TSPAN16: variants seen among roughly 807,000 people sequenced by gnomAD.
The protein encoded by TSPAN16 is tetraspanin 16.
A neutral mutation model predicts 25.2 loss-of-function variants in TSPAN16; 23 were observed. The observed-to-expected ratio is 0.91, with a 90% confidence interval of 0.66 to 1.29. TSPAN16 has a LOEUF of 1.29. Ranked by LOEUF, TSPAN16 falls within the 50% of genes most tolerant of loss-of-function variation. The pLI is 0.00. For synonymous variants in TSPAN16, 123 were observed against 124.4 expected (o/e 0.99, Z 0.08); for missense variants, 272 against 299.9 (o/e 0.91, Z 0.69).
chr19:11,305,537 AT>A (rs1248135549), intron 4 of TSPAN16, among the ~76,000 whole-genome samples: 2 of 149,576 alleles, frequency 1.3e-5, no homozygotes, highest in Non-Finnish European at 2.9e-5. Flanking sequence ...CTCAAAAAAA[AT>A]AATAAAAATA....
At chr19:11,325,923 T>A (rs1433566961) in intron 6 of TSPAN16, among the ~76,000 whole-genome samples, 12 of 151,598 alleles carry the variant, frequency 7.9e-5, no homozygotes, top group Non-Finnish European at 1.6e-4. Flanking sequence ...TAAATTTTTT[T>A]AAAAAGTAGA....
At chr19:11,322,491 C>G (rs1270438674) in intron 6 of TSPAN16, 1 of 152,110 alleles carries the variant, frequency 6.6e-6, no homozygotes, top group Non-Finnish European at 1.5e-5. Context: ...CCTGACCAAT[C>G]CCCTGGAGCT....
chr19:11,325,329 G>T, intron 6 of TSPAN16: 1 of 1,043,014 alleles, frequency 9.6e-7, no homozygotes, highest in Non-Finnish European at 1.4e-6. Context: ...GATAACCACT[G>T]TGGCTCACGC....
At chr19:11,297,294 A>T (rs1452626611) in intron 1 of TSPAN16, among the ~76,000 whole-genome samples, 2 of 152,116 alleles carry the variant, frequency 1.3e-5, no homozygotes, top group African/African-American at 2.4e-5. Context: ...ATCTCTATTT[A>T]AAAAATAATA....
chr19:11,315,726 C>G (rs1450331616), intron 6 of TSPAN16, 65 bp from the exon 7 acceptor site: 2 of 1,184,396 alleles, frequency 1.7e-6, no homozygotes, highest in African/African-American at 1.6e-5. Flanking sequence ...CCCCGTAACT[C>G]CAGTATGATT....
intron 5 of TSPAN16, among the ~76,000 whole-genome samples, chr19:11,308,353 C>T (rs2080652073): frequency 6.6e-6 from 1 of 152,162 alleles, no homozygotes; most frequent in Non-Finnish European, 1.5e-5. Flanking sequence ...GACTGGAGTG[C>T]AGTGGCGCAA....
At position 11,298,469 on chromosome 19, in the gene TSPAN16, C is replaced by G. The variant is rs190264176; in HGVS notation, c.267+130C>G. The G allele has an allele frequency of 8.6e-4, 737 of 854,374 alleles. 4 individuals carry two copies. In the African/African-American group the frequency reaches 0.011, roughly 13 times the overall value. 52.9% of individuals were successfully genotyped at this position (854,374 alleles called of 1,614,324 possible). On this transcript the variant is annotated intron_variant, in intron 2 of 6. Coordinates refer to ENST00000590327, the MANE Select transcript of TSPAN16 (RefSeq NM_001282509.2). Reference sequence around the variant, plus strand: ...TTTTTTGCGGGGACAGGGTTTCACTCTGTCGCCCAGGCTGGAGTGCAGTGG... The same window carrying G: ...TTTTTTGCGGGGACAGGGTTTCACTGTGTCGCCCAGGCTGGAGTGCAGTGG...
intron 6 of TSPAN16, 128 bp downstream of exon 6, chr19:11,312,350 AAAG>A (rs1209822160): frequency 1.4e-5 from 7 of 501,112 alleles, no homozygotes; most frequent in African/African-American, 9.6e-5. Flanking sequence ...GAAACTCAAC[AAAG>A]AAGAACAAAC....
At chr19:11,297,482 A>ATTATT (rs61261243) in intron 1 of TSPAN16, among the ~76,000 whole-genome samples, 4,840 of 147,004 alleles carry the variant, frequency 0.033, 104 homozygotes, top group East Asian at 0.096. Context: ...GTCCTATGAC[A>ATTATT]TTATTTTATT....
chr19:11,302,610 C>T (rs951624538), intron 4 of TSPAN16, among the ~76,000 whole-genome samples: 4 of 128,208 alleles, frequency 3.1e-5, no homozygotes, highest in African/African-American at 1.2e-4. Flanking sequence ...TATTTATATA[C>T]ATATGTATAT....
intron 5 of TSPAN16, among the ~76,000 whole-genome samples, chr19:11,311,814 C>T (rs906316648): frequency 2.0e-5 from 3 of 152,106 alleles, no homozygotes; most frequent in East Asian, 1.9e-4. Context: ...AGAGGTATAG[C>T]GACTTCTCCA....
chr19:11,302,589 A>G (rs1384496874), intron 4 of TSPAN16, among the ~76,000 whole-genome samples: 3 of 146,052 alleles, frequency 2.1e-5, no homozygotes, highest in Admixed American at 7.0e-5. Context: ...TGCTTTGTAT[A>G]TATACATATA....
downstream of TSPAN16, among the ~76,000 whole-genome samples, chr19:11,318,496 G>A (rs552209384): frequency 1.3e-5 from 2 of 152,104 alleles, no homozygotes; most frequent in South Asian, 2.1e-4. Flanking sequence ...ACTGGGCTGT[G>A]ACGTGGGTCT....
rs574491251 is a variant in TSPAN16, at chr19:11,299,015, C to T, written c.342+69C>T. On this transcript the variant is annotated intron_variant, in intron 3 of 6. Transcript: ENST00000590327. ...AGAACCAAGGACGGGCACAGTGGCT[C>T]ACGCCTCTAATCCCAGCATTTTGGG... is the stretch of plus-strand genomic sequence containing the variant. The T allele has an allele frequency of 8.0e-6, 12 of 1,494,394 alleles. No homozygotes were observed. The South Asian group carries it at 1.1e-4, about 14-fold the overall frequency. 92.6% of individuals were successfully genotyped at this position (1,494,394 alleles called of 1,614,324 possible).
In TSPAN16 at chr19:11,297,990, C is replaced by T. The variant is rs78610608; in HGVS notation, c.70-152C>T. On this transcript the variant is annotated intron_variant, in intron 1 of 6. Transcript: ENST00000590327. ...GTTGGGGAGAGGGTACAGATGAGGT[C>T]TTACCAAGCTGGTCTTGAACTCCTG... is the stretch of plus-strand genomic sequence containing the variant. 1.7e-5 allele frequency: 12 copies of T among 716,264 alleles called. No homozygotes were observed. The South Asian group carries it at 2.1e-4, about 13-fold the overall frequency. 44.4% of individuals were successfully genotyped at this position (716,264 alleles called of 1,614,324 possible).
chr19:11,315,017 C>A (rs2080731223), intron 6 of TSPAN16, among the ~76,000 whole-genome samples: 1 of 151,606 alleles, frequency 6.6e-6, no homozygotes, highest in African/African-American at 2.4e-5. Flanking sequence ...GAATGGATCA[C>A]CTGAGGTCAG....
At chr19:11,322,235 T>C (rs1477248163) in intron 6 of TSPAN16, 1 of 152,114 alleles carries the variant, frequency 6.6e-6, no homozygotes, top group African/African-American at 2.4e-5. Context: ...GTAGCAGAAT[T>C]ATCCCGTTAA....
At chr19:11,312,080 G>C (rs559590863) in intron 5 of TSPAN16, 59 bp from the exon 6 acceptor site, 1 of 1,349,006 alleles carries the variant, frequency 7.4e-7, no homozygotes, top group South Asian at 1.2e-5. Context: ...GGTTGATGGG[G>C]ACTTGCAATC....
intron 1 of TSPAN16, 37 bp from the exon 2 acceptor site, chr19:11,298,104 CA>C (rs2080499200): frequency 1.2e-6 from 2 of 1,601,860 alleles, no homozygotes; most frequent in Admixed American, 1.7e-5. Flanking sequence ...ATACAACTAA[CA>C]GATTACTTTT....
Sources: allele counts gnomAD v4.1 joint callset (sites outside exome capture counted in the v4.1 genomes callset), GRCh38; gene constraint gnomAD v4.1.1; transcripts MANE v1.5; gene names NCBI Gene and HGNC (gene_info 2026-07-23, HGNC 2026-07-21).